GPC6: variants seen among roughly 807,000 people sequenced by gnomAD.
GPC6 encodes glypican-6.
GPC6 carries 14 observed loss-of-function variants against 55.2 expected under a neutral mutation model. The observed-to-expected ratio is 0.25, with a 90% CI of 0.17 to 0.40. The LOEUF is 0.40. Ranked by LOEUF, GPC6 falls within the 10% of genes least tolerant of loss-of-function variation. The probability of loss-of-function intolerance (pLI) is 1.00; values close to 1 mark genes in which losing one functional copy is unlikely to be tolerated. For missense variants in GPC6, 641 were observed against 708.5 expected (o/e 0.90, Z 1.08); for synonymous variants, 278 against 259.6 (o/e 1.07, Z -0.68).
At chr13:93,624,173 A>G (rs950715161) in intron 2 of GPC6, among the ~76,000 whole-genome samples, 4 of 149,592 alleles carry the variant, frequency 2.7e-5, no homozygotes, top group Non-Finnish European at 3.0e-5. Context: ...TTCTCTGAGC[A>G]CAAATGTGGG....
rs562008237 is a variant in GPC6, at chr13:94,300,471, G to A, written c.1009-5509G>A. On this transcript the variant is annotated intron_variant, in intron 5 of 8. Transcript: ENST00000377047. ...TCCCATCCCTCCAGAATTATAAAAT[G>A]TTTCTCCTTTCAGCCCTTCCTATCC... 3.5e-4 allele frequency among the ~76,000 whole-genome samples: 53 copies of A among 152,212 alleles called. 1 individual carries two copies. In the South Asian group the frequency reaches 0.011, roughly 31 times the overall value.
chr13:93,455,312 G>C (rs2813624), intron 1 of GPC6, among the ~76,000 whole-genome samples: 140,678 of 152,240 alleles, frequency 0.92, 66,031 homozygotes, highest in East Asian at 1. Context: ...CCAGAGCGAG[G>C]GAGGGCTGTG....
intron 1 of GPC6, among the ~76,000 whole-genome samples, chr13:93,464,294 C>G (rs1878820261): frequency 6.6e-6 from 1 of 152,114 alleles, no homozygotes; most frequent in Non-Finnish European, 1.5e-5. Flanking sequence ...CATTGATTGG[C>G]TCTTTCTTTG....
At chr13:93,519,250 A>G (rs764394395) in intron 1 of GPC6, among the ~76,000 whole-genome samples, 1 of 152,020 alleles carries the variant, frequency 6.6e-6, no homozygotes, top group Non-Finnish European at 1.5e-5. Flanking sequence ...AGGTTTTAGA[A>G]TTTTATCTCA....
chr13:94,175,468 A>C (rs1457892772), intron 4 of GPC6, among the ~76,000 whole-genome samples: 3 of 152,136 alleles, frequency 2.0e-5, no homozygotes, highest in Non-Finnish European at 4.4e-5. Context: ...CTTGTTGAGG[A>C]ACATTTGGAG....
chr13:93,610,178 T>A (rs957170279), intron 2 of GPC6, among the ~76,000 whole-genome samples: 1 of 152,190 alleles, frequency 6.6e-6, no homozygotes, highest in African/African-American at 2.4e-5. Context: ...CTGTTGTAGA[T>A]TTTACGGAAA....
intron 4 of GPC6, among the ~76,000 whole-genome samples, chr13:94,122,858 C>T (rs1239361373): frequency 1.3e-5 from 2 of 152,088 alleles, no homozygotes; most frequent in Non-Finnish European, 2.9e-5. Context: ...GTGTTTTTGA[C>T]GCTCTTCTTA....
chr13:94,331,976 T>C (rs970499313), intron 6 of GPC6, among the ~76,000 whole-genome samples: 1 of 152,180 alleles, frequency 6.6e-6, no homozygotes, highest in Non-Finnish European at 1.5e-5. Flanking sequence ...TAAAGTCATG[T>C]AAGATTTTAT....
intron 4 of GPC6, among the ~76,000 whole-genome samples, chr13:94,156,809 A>T (rs1887961789): frequency 6.6e-6 from 1 of 152,174 alleles, no homozygotes; most frequent in African/African-American, 2.4e-5. Flanking sequence ...CATTTAAGCT[A>T]CTGCATATTT....
intron 3 of GPC6, among the ~76,000 whole-genome samples, chr13:93,918,718 C>T (rs939458768): frequency 1.3e-5 from 2 of 152,148 alleles, no homozygotes; most frequent in East Asian, 3.9e-4. Context: ...CTAGCCCCTG[C>T]GAACATCTGG....
intron 1 of GPC6, among the ~76,000 whole-genome samples, chr13:93,385,051 A>C (rs569246794): frequency 6.6e-6 from 1 of 152,338 alleles, no homozygotes; most frequent in African/African-American, 2.4e-5. Flanking sequence ...ATACACTTAC[A>C]TAAACACATT....
chr13:94,219,396 G>A (rs1890316743), intron 4 of GPC6, among the ~76,000 whole-genome samples: 1 of 152,180 alleles, frequency 6.6e-6, no homozygotes, highest in African/African-American at 2.4e-5. Flanking sequence ...CACTGCCTCT[G>A]TACCAGACAC....
chr13:93,796,531 A>T (rs1382192466), intron 2 of GPC6, among the ~76,000 whole-genome samples: 1 of 152,180 alleles, frequency 6.6e-6, no homozygotes, highest in Non-Finnish European at 1.5e-5. Flanking sequence ...TGACATTCTG[A>T]ACATATTAAA....
At chr13:93,263,657 G>A (rs183168553) in intron 1 of GPC6, among the ~76,000 whole-genome samples, 278 of 152,140 alleles carry the variant, frequency 1.8e-3, no homozygotes, top group Middle Eastern at 3.4e-3. Flanking sequence ...GAGCCACCAC[G>A]CCCCGCCACT....
chr13:93,486,380 T>C (rs531936110), intron 1 of GPC6, among the ~76,000 whole-genome samples: 1 of 152,308 alleles, frequency 6.6e-6, no homozygotes, highest in Non-Finnish European at 1.5e-5. Context: ...AACATAAATA[T>C]TTTTATAGAT....
intron 3 of GPC6, among the ~76,000 whole-genome samples, chr13:93,831,843 C>A (rs1887511309): frequency 6.6e-6 from 1 of 151,004 alleles, no homozygotes; most frequent in Non-Finnish European, 1.5e-5. Context: ...GTAATCCCAG[C>A]ACTTTGGGAG....
At chr13:94,363,308 G>A (rs982372180) in intron 6 of GPC6, among the ~76,000 whole-genome samples, 1 of 152,246 alleles carries the variant, frequency 6.6e-6, no homozygotes. Flanking sequence ...TTTGATGGCT[G>A]TCACAAAGCT....
At chr13:93,689,462 G>C (rs936204896) in intron 2 of GPC6, among the ~76,000 whole-genome samples, 1 of 152,014 alleles carries the variant, frequency 6.6e-6, no homozygotes, top group Non-Finnish European at 1.5e-5. Flanking sequence ...CATTAGGGGG[G>C]ATTAATAGGA....
chr13:94,039,840 A>G (rs1055010955), intron 4 of GPC6, among the ~76,000 whole-genome samples: 1 of 151,800 alleles, frequency 6.6e-6, no homozygotes, highest in African/African-American at 2.4e-5. Flanking sequence ...CCTAAATATT[A>G]AACATTCAAC....
Sources: gnomAD v4.1 joint callset for allele counts (sites outside exome capture counted in the v4.1 genomes callset) on GRCh38, gnomAD v4.1.1 for gene constraint, MANE v1.5 for transcripts, NCBI Gene and HGNC (gene_info 2026-07-23, HGNC 2026-07-21) for gene names.